Variants in GLT1D1 observed in about 807,000 individuals in gnomAD.
The protein encoded by GLT1D1 is glycosyltransferase 1 domain-containing protein 1.
Under a neutral mutation model 28.7 loss-of-function variants are expected in GLT1D1, and 21 were observed. That is an observed-to-expected ratio of 0.73 (90% CI 0.52 to 1.05). The LOEUF is 1.05. Ranked by LOEUF, GLT1D1 falls within the 50% of genes least tolerant of loss-of-function variation. The pLI is 0.00. For missense variants in GLT1D1, 343 were observed against 330.6 expected (o/e 1.04, Z -0.29); for synonymous variants, 147 against 124.8 (o/e 1.18, Z -1.19).
chr12:128,937,951 C>T (rs1183940973), intron 4 of GLT1D1, among the ~76,000 whole-genome samples: 1 of 152,082 alleles, frequency 6.6e-6, no homozygotes, highest in Non-Finnish European at 1.5e-5. Context: ...CGAGAACAGA[C>T]GAATACGGAC....
intron 7 of GLT1D1, among the ~76,000 whole-genome samples, chr12:128,964,445 C>T (rs535633108): frequency 6.6e-6 from 1 of 152,328 alleles, no homozygotes; most frequent in African/African-American, 2.4e-5. Context: ...AAGACCTCAC[C>T]TCCTGCCGTC....
chr12:128,892,641 C>T (rs1298369288), intron 3 of GLT1D1, among the ~76,000 whole-genome samples: 1 of 152,172 alleles, frequency 6.6e-6, no homozygotes, highest in Non-Finnish European at 1.5e-5. Context: ...TCCAGTACAA[C>T]ATAGCACACG....
rs116940243 is a variant in GLT1D1 at position 128,957,865 on chromosome 12, C to T, written c.639+222C>T. On this transcript the variant is annotated intron_variant, in intron 7 of 7. Coordinates refer to ENST00000281703, the MANE Select transcript of GLT1D1 (RefSeq NM_144669.3). The stretch of plus-strand genomic sequence containing the variant: ...TGAGTTCCATTCCTGATTCTGTTGC[C>T]AAGTTGCTCTAAGGGGCTGGGAAAG... Among the ~76,000 whole-genome samples, 319 of 152,308 alleles carry T rather than the reference C, an allele frequency of 2.1e-3. 11 individuals are homozygous for T. The East Asian group carries it at 0.045, about 21-fold the overall frequency.
chr12:128,899,050 A>G (rs901298873), intron 3 of GLT1D1, among the ~76,000 whole-genome samples, 186 bp from the exon 4 acceptor site: 1 of 152,248 alleles, frequency 6.6e-6, no homozygotes, highest in African/African-American at 2.4e-5. Flanking sequence ...TCTTGCATAT[A>G]AAACTTTTTT....
chr12:128,936,873 TC>T (rs1298403173), intron 4 of GLT1D1, among the ~76,000 whole-genome samples: 4 of 152,128 alleles, frequency 2.6e-5, no homozygotes, highest in Non-Finnish European at 5.9e-5. Context: ...AATAAAAATA[TC>T]CCCCCTTCTT....
At chr12:128,976,050 A>G (rs1320068919) in intron 7 of GLT1D1, among the ~76,000 whole-genome samples, 2 of 152,242 alleles carry the variant, frequency 1.3e-5, no homozygotes, top group Non-Finnish European at 2.9e-5. Flanking sequence ...GGATAGTGCC[A>G]TAAAATGTGA....
chr12:128,875,945 G>GT lies in GLT1D1; in HGVS notation c.104dup (p.Leu35PhefsTer6), dbSNP rs1566093143. 6.2e-7 allele frequency: 1 copy of GT among 1,614,056 alleles called. No homozygotes were observed. Among genetic ancestry groups the GT allele is most frequent in the Non-Finnish European group, 8.5e-7 (1 of 1,179,992 alleles). ...TCTAGAGGCTGCAGGGCACGTGTGC[G>GT]TTTTGAAGGATGCCTTTGACTTTGA... On this transcript the variant is annotated frameshift_variant, in exon 2 of 8. Coordinates refer to ENST00000281703, the MANE Select transcript of GLT1D1 (RefSeq NM_144669.3). LOFTEE classifies it high-confidence loss of function.
In GLT1D1 at chr12:128,853,500, C is replaced by A. The variant is rs1475540269; in HGVS notation, c.-82C>A. On this transcript the variant is annotated 5_prime_UTR_variant, in exon 1 of 8. Transcript: ENST00000281703. ...GGGACAGACCCAGCCGCCCCGGCTC[C>A]CCCGCCGTCCGCGTCTGCGCCGGCC... 1 of 985,278 alleles carries A rather than the reference C, an allele frequency of 1.0e-6. No homozygotes were observed. The highest frequency in any genetic ancestry group is 1.2e-6 in the Non-Finnish European group (1 of 826,004). 61.0% of individuals were successfully genotyped at this position (985,278 alleles called of 1,614,324 possible). A position where few individuals can be genotyped will look rare whatever the true frequency, so the allele number is the denominator to read the frequency against.
At chr12:128,953,430 A>G (rs68116014) in intron 6 of GLT1D1, among the ~76,000 whole-genome samples, 18,634 of 152,160 alleles carry the variant, frequency 0.12, 1,341 homozygotes, top group South Asian at 0.18. Context: ...TCCTGCCTCA[A>G]TCTCCCAAAG....
intron 1 of GLT1D1, among the ~76,000 whole-genome samples, chr12:128,854,013 G>A (rs1956141894): frequency 6.6e-6 from 1 of 152,064 alleles, no homozygotes; most frequent in African/African-American, 2.4e-5. Flanking sequence ...CGGAGCTCCC[G>A]GCGGGGGCGC....
Position 128,875,887 on chromosome 12 carries a change from C to T in GLT1D1, c.69-27C>T, listed in dbSNP as rs867614295. On this transcript the variant is annotated intron_variant, in intron 1 of 7. Coordinates refer to ENST00000281703, the MANE Select transcript of GLT1D1 (RefSeq NM_144669.3). ...CATATTAACATTTTCCCCTCATCTT[C>T]TCCTTTCTCTGTATTTTTTGATAAA... 7.5e-6 allele frequency: 12 copies of T among 1,599,654 alleles called. 1 individual carries two copies. In the Middle Eastern group the frequency reaches 6.7e-4, roughly 89 times the overall value.
At chr12:128,876,524 C>G (rs527901475) in intron 2 of GLT1D1, among the ~76,000 whole-genome samples, 2 of 152,050 alleles carry the variant, frequency 1.3e-5, no homozygotes, top group African/African-American at 4.8e-5. Flanking sequence ...CCTTGTTGCC[C>G]AGGCTGGTCT....
intron 7 of GLT1D1, among the ~76,000 whole-genome samples, chr12:128,960,586 G>A (rs887390477): frequency 1.3e-5 from 2 of 152,010 alleles, no homozygotes; most frequent in Admixed American, 6.6e-5. Flanking sequence ...GCAAAACCCT[G>A]TCTCTACTAA....
In GLT1D1 at chr12:128,908,404, CTT is replaced by C. The variant is rs56311504; in HGVS notation, c.375+9119_375+9120del. On this transcript the variant is annotated intron_variant, in intron 4 of 7. Transcript: ENST00000281703. Reference sequence around the variant, plus strand: ...TTTCTCTTTCTTTCTCTCTCTCTCTCTTTCTTTCTTTCTTTTTCTTTCCTTTC... The same window carrying C: ...TTTCTCTTTCTTTCTCTCTCTCTCTCTCTTTCTTTCTTTTTCTTTCCTTTC... Among the ~76,000 whole-genome samples, 420 of 123,654 alleles carry C rather than the reference CTT, an allele frequency of 3.4e-3. 3 individuals are homozygous for C. The highest frequency in any genetic ancestry group is 0.028 in the East Asian group (132 of 4,736). 81.1% of individuals were successfully genotyped at this position (123,654 alleles called of 152,430 possible).
intron 6 of GLT1D1, among the ~76,000 whole-genome samples, chr12:128,949,959 T>C (rs140468663): frequency 6.6e-6 from 1 of 152,342 alleles, no homozygotes; most frequent in Non-Finnish European, 1.5e-5. Flanking sequence ...CCTCTTGGCT[T>C]CCAGACTCCA....
At chr12:128,963,184 T>A (rs1878137078) in intron 7 of GLT1D1, among the ~76,000 whole-genome samples, 1 of 152,164 alleles carries the variant, frequency 6.6e-6, no homozygotes, top group African/African-American at 2.4e-5. Context: ...ACATCAAAGG[T>A]GACGTCTGGT....
chr12:128,961,110 T>A (rs972146686), intron 7 of GLT1D1, among the ~76,000 whole-genome samples: 2 of 152,240 alleles, frequency 1.3e-5, no homozygotes, highest in African/African-American at 4.8e-5. Flanking sequence ...CTTTTCATTT[T>A]GTGAATCTTT....
At position 128,983,265 on chromosome 12, in the gene GLT1D1, T is replaced by G; in HGVS notation, c.*175T>G. On this transcript the variant is annotated 3_prime_UTR_variant, in exon 8 of 8. Transcript: ENST00000281703. The surrounding 1 kb of genome is among the most constrained non-coding windows in gnomAD (Gnocchi z 4.7). ...CCACTGCATTCATCCCATATCCTTC[T>G]GTGCGTTCAGATGCTGTCCCAGGCG... The G allele has an allele frequency of 3.3e-6, 2 of 599,238 alleles. No homozygotes were observed. Among genetic ancestry groups the G allele is most frequent in the South Asian group, 4.1e-5 (2 of 48,274 alleles). 37.1% of individuals were successfully genotyped at this position (599,238 alleles called of 1,614,324 possible). A position where few individuals can be genotyped will look rare whatever the true frequency, so the allele number is the denominator to read the frequency against.
At chr12:128,944,639 C>G in intron 4 of GLT1D1, 1 of 736,544 alleles carries the variant, frequency 1.4e-6, no homozygotes, top group Non-Finnish European at 2.5e-6. Context: ...GTCTGATCAG[C>G]TTTATCTAGG....
Sources: allele counts gnomAD v4.1 joint callset (sites outside exome capture counted in the v4.1 genomes callset), GRCh38; gene constraint gnomAD v4.1.1; non-coding constraint Gnocchi (gnomAD v3.1); transcripts MANE v1.5; gene names NCBI Gene and HGNC (gene_info 2026-07-23, HGNC 2026-07-21).